The following ADAM17 variants were observed in gnomAD, a reference collection of about 807,000 sequenced individuals.
ADAM17 encodes the protein disintegrin and metalloproteinase domain-containing protein 17.
ADAM17 carries 39 observed loss-of-function variants against 96.7 expected under a neutral mutation model. The observed-to-expected ratio is 0.40, with a 90% CI of 0.31 to 0.53. ADAM17 has a LOEUF of 0.53. ADAM17 is among the 20% of genes least tolerant of loss of function. The pLI, the probability that ADAM17 is intolerant of heterozygous loss-of-function variation, is 0.44. For missense variants in ADAM17, 777 were observed against 1,013.2 expected (o/e 0.77, Z 3.17); for synonymous variants, 344 against 359.2 (o/e 0.96, Z 0.48).
At chr2:9,490,827 T>C (rs368742684) in intron 18 of ADAM17, among the ~76,000 whole-genome samples, 40 of 152,154 alleles carry the variant, frequency 2.6e-4, no homozygotes, top group Non-Finnish European at 2.2e-4. Flanking sequence ...AAGAGAGAAA[T>C]TGAACTCAAA....
At chr2:9,541,488 G>A (rs1400182330) in intron 2 of ADAM17, among the ~76,000 whole-genome samples, 1 of 152,150 alleles carries the variant, frequency 6.6e-6, no homozygotes, top group Non-Finnish European at 1.5e-5. Context: ...GCTTGAACCC[G>A]AGAGGTGGAG....
rs377134738 is a variant in ADAM17, at chr2:9,505,368, T to C, written c.1345-3A>G. Reference sequence around the variant, plus strand: ...TGTTTACTGCAGTTTGAAAACATCTTGAGAGAAAAAAGGCAATAAGGACCC... The same window carrying C: ...TGTTTACTGCAGTTTGAAAACATCTCGAGAGAAAAAAGGCAATAAGGACCC... On this transcript the variant is annotated splice_region_variant and splice_polypyrimidine_tract_variant and intron_variant, in intron 11 of 18. Coordinates refer to ENST00000310823, the MANE Select transcript of ADAM17 (RefSeq NM_003183.6). 73 of 1,613,426 alleles carry C rather than the reference T, an allele frequency of 4.5e-5. No individual in the cohort carries two copies. The highest frequency in any genetic ancestry group is 5.8e-5 in the Non-Finnish European group (68 of 1,179,544).
Position 9,493,735 on chromosome 2 carries a change from GA to G in ADAM17, c.1993+11del, listed in dbSNP as rs1197163252. On this transcript the variant is annotated intron_variant, in intron 16 of 18. Transcript: ENST00000310823. Reference sequence around the variant, plus strand: ...CTCAGCTCTCAGTAAGTAATCTGGGGAAATCACCTACCAAAAGTATTGATGC... The same window carrying G: ...CTCAGCTCTCAGTAAGTAATCTGGGGAATCACCTACCAAAAGTATTGATGC... 2.5e-6 allele frequency: 4 copies of G among 1,610,408 alleles called. No individual in the cohort carries two copies. In the South Asian group the frequency reaches 3.3e-5, roughly 13 times the overall value.
At chr2:9,525,561 A>T (rs146802756) in intron 6 of ADAM17, among the ~76,000 whole-genome samples, 1 of 152,224 alleles carries the variant, frequency 6.6e-6, no homozygotes, top group African/African-American at 2.4e-5. Flanking sequence ...TTCAAAAATC[A>T]TAATAGTTCA....
intron 10 of ADAM17, among the ~76,000 whole-genome samples, chr2:9,514,525 ATATATATATATATAT>A (rs1663938872): frequency 7.0e-4 from 4 of 5,722 alleles, no homozygotes; most frequent in African/African-American, 3.1e-3. Context: ...ATAAATATAT[ATATATATATATATAT>A]ATATATATAT....
chr2:9,491,063 CAGGCG>C (rs1459151636), intron 18 of ADAM17, 33 bp downstream of exon 18: 1 of 1,587,708 alleles, frequency 6.3e-7, no homozygotes, highest in Non-Finnish European at 8.6e-7. Flanking sequence ...GGCCTCAGAC[CAGGCG>C]AAGATTATGT....
intron 4 of ADAM17, among the ~76,000 whole-genome samples, chr2:9,529,374 C>T (rs778995370): frequency 2.6e-5 from 4 of 152,058 alleles, no homozygotes; most frequent in Non-Finnish European, 4.4e-5. Flanking sequence ...TCAGTTGAAC[C>T]CAGGAGGCAA....
chr2:9,490,152 T>TAA lies in ADAM17; in HGVS notation c.*23_*24dup. ...AATCTATAAAAATATTTTGCACACT[T>TAA]AAGTCAGAAGAGCTGAGAACTAAAT... On this transcript the variant is annotated 3_prime_UTR_variant, in exon 19 of 19. Coordinates refer to ENST00000310823, the MANE Select transcript of ADAM17 (RefSeq NM_003183.6). 6.4e-7 allele frequency: 1 copy of TAA among 1,560,930 alleles called. No individual in the cohort carries two copies. Among genetic ancestry groups the TAA allele is most frequent in the East Asian group, 2.3e-5 (1 of 43,978 alleles).
At chr2:9,497,544 T>C (rs1662704718) in intron 13 of ADAM17, among the ~76,000 whole-genome samples, 1 of 152,224 alleles carries the variant, frequency 6.6e-6, no homozygotes, top group Non-Finnish European at 1.5e-5. Flanking sequence ...CTATGTGCTA[T>C]TACTTAGAAT....
Position 9,490,528 on chromosome 2 carries a change from CAT to C in ADAM17, c.2134-12_2134-11del. 1 of 1,606,028 alleles carries C rather than the reference CAT, an allele frequency of 6.2e-7. No homozygotes were observed. Among genetic ancestry groups the C allele is most frequent in the East Asian group, 2.2e-5 (1 of 44,734 alleles). On this transcript the variant is annotated splice_polypyrimidine_tract_variant and intron_variant, in intron 18 of 18. Coordinates refer to ENST00000310823, the MANE Select transcript of ADAM17 (RefSeq NM_003183.6). The stretch of plus-strand genomic sequence containing the variant: ...TCAGCATTTCGACGTTCTGCAAAGA[CAT>C]GGGTTCAATTGATTGATAGGAATAA...
At chr2:9,511,601 T>G (rs1043679415) in intron 10 of ADAM17, among the ~76,000 whole-genome samples, 6 of 152,246 alleles carry the variant, frequency 3.9e-5, no homozygotes, top group Admixed American at 3.3e-4. Flanking sequence ...TATCAGATTA[T>G]CAGATGATTT....
chr2:9,509,346 A>T (rs1020693739), intron 11 of ADAM17, among the ~76,000 whole-genome samples: 2 of 152,194 alleles, frequency 1.3e-5, no homozygotes, highest in African/African-American at 4.8e-5. Flanking sequence ...TAGTCACGGC[A>T]CTCTTAAAGT....
chr2:9,520,094 A>G (rs540312521), intron 8 of ADAM17, among the ~76,000 whole-genome samples: 4 of 152,296 alleles, frequency 2.6e-5, no homozygotes, highest in African/African-American at 9.6e-5. Context: ...TGAAAACTTG[A>G]TTTCAGCCTC....
At chr2:9,543,400 C>A in intron 1 of ADAM17, 115 bp from the exon 2 acceptor site, 1 of 905,416 alleles carries the variant, frequency 1.1e-6, no homozygotes, top group Non-Finnish European at 1.5e-6. Context: ...TAGGAAGTGC[C>A]AAGCACAAAC....
intron 7 of ADAM17, chr2:9,522,291 C>T: frequency 2.1e-6 from 1 of 470,970 alleles, no homozygotes; most frequent in Admixed American, 3.4e-5. Context: ...TACACTATAC[C>T]TGCATACGAC....
intron 17 of ADAM17, among the ~76,000 whole-genome samples, chr2:9,491,732 G>A (rs889958112): frequency 2.0e-5 from 3 of 152,218 alleles, no homozygotes; most frequent in Non-Finnish European, 4.4e-5. Flanking sequence ...AAGCATAATA[G>A]GTGACAGAGG....
intron 1 of ADAM17, among the ~76,000 whole-genome samples, chr2:9,553,527 T>A (rs756819598): frequency 2.2e-4 from 33 of 151,292 alleles, no homozygotes; most frequent in Non-Finnish European, 4.0e-4. Context: ...TACAAAAAAT[T>A]AGCCGGACGT....
intron 1 of ADAM17, among the ~76,000 whole-genome samples, chr2:9,554,919 C>G (rs1284249563): frequency 6.6e-6 from 1 of 152,168 alleles, no homozygotes; most frequent in Non-Finnish European, 1.5e-5. Context: ...CCCCCCATCT[C>G]CCAAGCACCT....
chr2:9,496,151 T>TG (rs1433739815), intron 14 of ADAM17, among the ~76,000 whole-genome samples: 1 of 152,122 alleles, frequency 6.6e-6, no homozygotes, highest in Admixed American at 6.6e-5. Flanking sequence ...TTATTTGAAA[T>TG]GGAGTCTCGC....
Sources: allele counts gnomAD v4.1 joint callset (sites outside exome capture counted in the v4.1 genomes callset), GRCh38; gene constraint gnomAD v4.1.1; transcripts MANE v1.5; gene names NCBI Gene and HGNC (gene_info 2026-07-23, HGNC 2026-07-21).